The following PLB1 variants were observed in gnomAD, a reference collection of about 807,000 sequenced individuals.
The protein encoded by PLB1 is phospholipase B1, membrane-associated.
In PLB1, 242 loss-of-function variants were observed where a neutral mutation model predicts 227.4. That is an observed-to-expected ratio of 1.06 (90% CI 0.96 to 1.18). The LOEUF is 1.18. Among genes scored for constraint, PLB1 ranks in the 50% most tolerant of loss-of-function variants. The pLI is 0.00. For synonymous variants in PLB1, 757 were observed against 682.2 expected, an observed-to-expected ratio of 1.11 and a Z score of -1.71; for missense variants, 1,858 against 1,816.3, an observed-to-expected ratio of 1.02 and a Z score of -0.42.
intron 53 of PLB1, 78 bp downstream of exon 53, chr2:28,629,263 G>A: frequency 1.5e-6 from 2 of 1,374,068 alleles, no homozygotes; most frequent in Admixed American, 3.9e-5. Flanking sequence ...GAGGAGACCA[G>A]TTGAGGCAGA....
intron 26 of PLB1, among the ~76,000 whole-genome samples, chr2:28,588,762 A>G (rs138141949): frequency 3.0e-4 from 45 of 152,318 alleles, no homozygotes; most frequent in African/African-American, 1.0e-3. Context: ...ATTTTGATTC[A>G]CCTTTGATTT....
At chr2:28,609,657 T>C (rs554931477) in intron 43 of PLB1, among the ~76,000 whole-genome samples, 1 of 152,298 alleles carries the variant, frequency 6.6e-6, no homozygotes, top group Admixed American at 6.5e-5. Flanking sequence ...TTAACATTCA[T>C]TCAAAAAATA....
intron 3 of PLB1, among the ~76,000 whole-genome samples, 196 bp from the exon 4 acceptor site, chr2:28,519,509 G>C (rs897719159): frequency 4.6e-5 from 7 of 152,222 alleles, no homozygotes; most frequent in African/African-American, 1.7e-4. Flanking sequence ...AGGGGAGCGG[G>C]TGTCTTTCTG....
intron 44 of PLB1, among the ~76,000 whole-genome samples, chr2:28,614,781 A>G (rs538693326): frequency 1.3e-5 from 2 of 152,324 alleles, no homozygotes; most frequent in African/African-American, 2.4e-5. Context: ...GCTAGAAGGC[A>G]TGCAGAGAAG....
intron 44 of PLB1, among the ~76,000 whole-genome samples, chr2:28,616,073 G>A (rs952849860): frequency 6.6e-6 from 1 of 152,198 alleles, no homozygotes; most frequent in Admixed American, 6.5e-5. Context: ...GGCTGGGAAG[G>A]GTGGATGGTG....
intron 23 of PLB1, among the ~76,000 whole-genome samples, chr2:28,581,100 G>C (rs1679856062): frequency 1.3e-5 from 2 of 152,176 alleles, no homozygotes; most frequent in Non-Finnish European, 2.9e-5. Context: ...GTTCCATACA[G>C]CAGGGCTTTT....
intron 56 of PLB1, chr2:28,633,495 G>T: frequency 6.4e-6 from 1 of 155,826 alleles, no homozygotes; most frequent in South Asian, 1.9e-4. Flanking sequence ...CTCAGCAAAT[G>T]TCACCACCAT....
intron 26 of PLB1, 109 bp from the exon 27 acceptor site, chr2:28,589,341 C>A: frequency 2.5e-6 from 2 of 805,286 alleles, no homozygotes; most frequent in South Asian, 1.6e-5. Flanking sequence ...AGGTTGATTT[C>A]ACTCAACAGT....
At chr2:28,618,285 T>C in intron 45 of PLB1, 56 bp from the exon 46 acceptor site, 1 of 1,466,724 alleles carries the variant, frequency 6.8e-7, no homozygotes, top group Non-Finnish European at 9.6e-7. Flanking sequence ...AAATGTGTAC[T>C]TTAAGAGGTA....
chr2:28,560,285 G>C (rs931280964), intron 17 of PLB1, among the ~76,000 whole-genome samples: 2 of 152,124 alleles, frequency 1.3e-5, no homozygotes, highest in East Asian at 3.9e-4. Context: ...CCAAGTCAGG[G>C]TGACCTTGGG....
intron 9 of PLB1, among the ~76,000 whole-genome samples, chr2:28,535,913 C>G (rs1278417348): frequency 6.6e-6 from 1 of 152,106 alleles, no homozygotes; most frequent in Non-Finnish European, 1.5e-5. Flanking sequence ...GAGTGAGACT[C>G]TGTCTTTAAA....
Position 28,532,175 on chromosome 2 carries a change from T to C in PLB1, c.536T>C (p.Leu179Pro). Residue 179 changes from leucine to proline, a missense_variant, in exon 9 of 58, where the codon CTG (leucine) becomes CCG (proline). Transcript: ENST00000327757. ...TTCAGTAATGCAAGCCAGTGTTACC[T>C]GTGCCCCTCTGCTCAACAGGTAAAT... ...VFFSNASQCY[L>P]CPSAQQNGLA... 6.2e-7 allele frequency: 1 copy of C among 1,612,460 alleles called. No homozygotes were observed. Among genetic ancestry groups the C allele is most frequent in the Non-Finnish European group, 8.5e-7 (1 of 1,179,128 alleles).
intron 17 of PLB1, among the ~76,000 whole-genome samples, chr2:28,557,880 GA>G (rs2148231149): frequency 6.6e-6 from 1 of 152,290 alleles, no homozygotes; most frequent in South Asian, 2.1e-4. Flanking sequence ...AAGGTCTACG[GA>G]AAATTAGGCC....
chr2:28,587,779 C>T (rs957201562), intron 26 of PLB1, among the ~76,000 whole-genome samples: 8 of 152,194 alleles, frequency 5.3e-5, no homozygotes, highest in Non-Finnish European at 7.3e-5. Flanking sequence ...CACATACCCA[C>T]GCCCTGGCTG....
chr2:28,640,975 C>G lies in PLB1; in HGVS notation c.4147C>G (p.Arg1383Gly), dbSNP rs758859271. 1.2e-6 allele frequency: 2 copies of G among 1,613,884 alleles called. No individual in the cohort carries two copies. The highest frequency in any genetic ancestry group is 1.7e-6 in the Non-Finnish European group (2 of 1,179,892). Residue 1383 changes from arginine (R) to glycine (G), a missense_variant, in exon 57 of 58, where the codon CGA (arginine) becomes GGA (glycine). Physicochemically the swap from Arg to Gly is moderately radical, Grantham distance 125. Coordinates refer to ENST00000327757, the MANE Select transcript of PLB1 (RefSeq NM_153021.5). ...TACCTCCAACAACTTCACCCACAGCCGAGCCAAACTCAAGTGCCCCTCTCC... is the reference window on the plus strand; with the variant it reads ...TACCTCCAACAACTTCACCCACAGCGGAGCCAAACTCAAGTGCCCCTCTCC... ...KTTSNNFTHS[R>G]AKLKCPSPES...
chr2:28,579,598 GCTTA>G (rs768984008), intron 22 of PLB1, 25 bp from the exon 23 acceptor site: 3 of 1,566,166 alleles, frequency 1.9e-6, no homozygotes, highest in South Asian at 1.1e-5. Flanking sequence ...GGGACAAGGT[GCTTA>G]CTTCTGTGTT....
intron 1 of PLB1, among the ~76,000 whole-genome samples, chr2:28,498,115 C>T (rs1022997208): frequency 2.0e-5 from 3 of 151,720 alleles, no homozygotes; most frequent in Non-Finnish European, 4.4e-5. Flanking sequence ...ATGAAGATAT[C>T]TTATATTTCC....
rs1424513740 is a variant in PLB1, at chr2:28,548,895, T to C, written c.972T>C (p.Ser324=). 6.2e-7 allele frequency: 1 copy of C among 1,614,012 alleles called. No individual in the cohort carries two copies. Among genetic ancestry groups the C allele is most frequent in the South Asian group, 1.1e-5 (1 of 91,072 alleles). ...CAGGAGAGAAAGATGAGCCATTGAGTGTAAAACACGGGAGGCCAATGAAGT... is the reference window on the plus strand; with the variant it reads ...CAGGAGAGAAAGATGAGCCATTGAGCGTAAAACACGGGAGGCCAATGAAGT... The part of the protein sequence containing the change: ...EPAGEKDEPL[S]VKHGRPMKCP... Residue 324 remains serine, a synonymous_variant, in exon 15 of 58, where the codon AGT becomes AGC. Coordinates refer to ENST00000327757, the MANE Select transcript of PLB1 (RefSeq NM_153021.5).
At chr2:28,516,102 T>C (rs1423024489) in intron 1 of PLB1, among the ~76,000 whole-genome samples, 1 of 152,240 alleles carries the variant, frequency 6.6e-6, no homozygotes, top group African/African-American at 2.4e-5. Context: ...TACTATAATT[T>C]GTGTAGATAA....
Sources: allele counts gnomAD v4.1 joint callset (sites outside exome capture counted in the v4.1 genomes callset), GRCh38; gene constraint gnomAD v4.1.1; transcripts MANE v1.5; gene names NCBI Gene and HGNC (gene_info 2026-07-23, HGNC 2026-07-21).